The following SGCZ variants were observed in gnomAD, a reference collection of about 807,000 sequenced individuals.
The protein encoded by SGCZ is zeta-sarcoglycan.
SGCZ carries 40 observed loss-of-function variants against 41.3 expected under a neutral mutation model. The observed-to-expected ratio is 0.97, with a 90% confidence interval of 0.75 to 1.26. The LOEUF (loss-of-function observed/expected upper bound fraction) is 1.26, where lower values mean the gene tolerates loss of function less well. Among genes scored for constraint, SGCZ ranks in the 50% most tolerant of loss-of-function variants. The pLI is 0.00. For missense variants in SGCZ, 552 were observed against 369.8 expected (o/e 1.49, Z -4.04); for synonymous variants, 206 against 137.5 (o/e 1.50, Z -3.49).
intron 4 of SGCZ, among the ~76,000 whole-genome samples, chr8:14,231,492 A>G (rs1369165381): frequency 1.3e-5 from 2 of 152,114 alleles, no homozygotes; most frequent in East Asian, 3.9e-4. Flanking sequence ...CACAGGTCCA[A>G]TTATGCATAA....
chr8:14,259,596 G>C (rs1184958553), intron 3 of SGCZ, among the ~76,000 whole-genome samples: 1 of 130,378 alleles, frequency 7.7e-6, no homozygotes, highest in African/African-American at 2.6e-5. Flanking sequence ...GTTTTTGTCA[G>C]GTTTGTCAAA....
intron 1 of SGCZ, among the ~76,000 whole-genome samples, chr8:14,876,629 G>A (rs1804366159): frequency 6.6e-6 from 1 of 152,122 alleles, no homozygotes. Flanking sequence ...TAATATTAGT[G>A]AGGGTCACTT....
At chr8:14,938,112 G>A (rs950362826) in intron 1 of SGCZ, among the ~76,000 whole-genome samples, 2 of 152,024 alleles carry the variant, frequency 1.3e-5, no homozygotes, top group African/African-American at 2.4e-5. Context: ...TTTGTAAAAT[G>A]TTTTTTGGTG....
At chr8:14,139,272 C>G (rs1173824390) in intron 5 of SGCZ, among the ~76,000 whole-genome samples, 5 of 152,038 alleles carry the variant, frequency 3.3e-5, no homozygotes, top group Non-Finnish European at 5.9e-5. Context: ...CCTAACGTCA[C>G]AATTAAAAGA....
chr8:15,179,807 T>A lies in SGCZ; in HGVS notation c.39+57778A>T, dbSNP rs112247672. ...AATAAAAACGGGTTTGGAAGGCACG[T>A]AACCTGATCATTAGCAGAAGTAAAG... On this transcript the variant is annotated intron_variant, in intron 1 of 7. Coordinates refer to ENST00000382080, the MANE Select transcript of SGCZ (RefSeq NM_139167.4). 7.7e-3 allele frequency among the ~76,000 whole-genome samples: 1,173 copies of A among 152,254 alleles called. 13 individuals are homozygous for A. The highest frequency in any genetic ancestry group is 0.025 in the African/African-American group (1,033 of 41,540).
intron 1 of SGCZ, among the ~76,000 whole-genome samples, chr8:14,628,907 G>A (rs1164901104): frequency 6.6e-6 from 1 of 152,062 alleles, no homozygotes; most frequent in African/African-American, 2.4e-5. Flanking sequence ...AAATATAGGT[G>A]GTGAATAAAA....
At chr8:15,173,487 T>G (rs1799909742) in intron 1 of SGCZ, among the ~76,000 whole-genome samples, 1 of 152,196 alleles carries the variant, frequency 6.6e-6, no homozygotes, top group South Asian at 2.1e-4. Context: ...TAGAGAATTA[T>G]TACATGAGTG....
chr8:14,436,349 T>C (rs746298127), intron 2 of SGCZ, among the ~76,000 whole-genome samples: 42 of 152,340 alleles, frequency 2.8e-4, no homozygotes, highest in Non-Finnish European at 3.8e-4. Flanking sequence ...TTAAGGTTTG[T>C]GTTCTTTGTT....
intron 2 of SGCZ, among the ~76,000 whole-genome samples, chr8:14,473,818 G>T (rs943527284): frequency 6.6e-6 from 1 of 151,650 alleles, no homozygotes; most frequent in Admixed American, 6.6e-5. Context: ...GGCACGCGTA[G>T]TCCCAGCTAC....
At chr8:14,767,795 T>A (rs1160717507) in intron 1 of SGCZ, among the ~76,000 whole-genome samples, 1 of 152,232 alleles carries the variant, frequency 6.6e-6, no homozygotes, top group Non-Finnish European at 1.5e-5. Flanking sequence ...TGTAAAGCAC[T>A]GTGAAAACCA....
chr8:15,080,019 G>A (rs1216442316), intron 1 of SGCZ, among the ~76,000 whole-genome samples: 4 of 151,756 alleles, frequency 2.6e-5, no homozygotes, highest in African/African-American at 7.3e-5. Flanking sequence ...TCTCCAGCCG[G>A]TCCTCTATTT....
At chr8:14,991,752 T>A (rs1315462104) in intron 1 of SGCZ, among the ~76,000 whole-genome samples, 2 of 151,772 alleles carry the variant, frequency 1.3e-5, no homozygotes, top group Admixed American at 6.6e-5. Flanking sequence ...TCACCCATCC[T>A]CCTCATCCAA....
At chr8:14,340,414 A>G (rs1015220255) in intron 2 of SGCZ, among the ~76,000 whole-genome samples, 4 of 152,128 alleles carry the variant, frequency 2.6e-5, no homozygotes, top group African/African-American at 9.7e-5. Flanking sequence ...TTGCTTCTAT[A>G]ACAGCCTATT....
intron 1 of SGCZ, among the ~76,000 whole-genome samples, chr8:15,011,202 G>A (rs563816892): frequency 1.3e-5 from 2 of 152,126 alleles, no homozygotes; most frequent in African/African-American, 4.8e-5. Flanking sequence ...AGTTAAAGTA[G>A]GTGAAATTTC....
chr8:14,643,531 T>A (rs1807095404), intron 1 of SGCZ, among the ~76,000 whole-genome samples: 1 of 150,160 alleles, frequency 6.7e-6, no homozygotes, highest in African/African-American at 2.5e-5. Context: ...GGGAGATAAG[T>A]GAATATTTTT....
intron 2 of SGCZ, among the ~76,000 whole-genome samples, chr8:14,426,614 G>T (rs1017742575): frequency 2.0e-4 from 30 of 152,124 alleles, no homozygotes; most frequent in African/African-American, 7.0e-4. Flanking sequence ...GTTTAATTTG[G>T]GAAAACTTCA....
intron 1 of SGCZ, among the ~76,000 whole-genome samples, chr8:15,215,379 A>G (rs1585682037): frequency 6.6e-6 from 1 of 152,354 alleles, no homozygotes; most frequent in East Asian, 1.9e-4. Flanking sequence ...TTATCTGAAT[A>G]TAACATAAAC....
At chr8:15,169,640 C>G (rs1278495807) in intron 1 of SGCZ, among the ~76,000 whole-genome samples, 1 of 152,218 alleles carries the variant, frequency 6.6e-6, no homozygotes, top group African/African-American at 2.4e-5. Context: ...TTCTTAGAAT[C>G]CTGGAGACTT....
At chr8:14,171,360 T>C (rs116174791) in intron 4 of SGCZ, among the ~76,000 whole-genome samples, 3,270 of 152,064 alleles carry the variant, frequency 0.022, 91 homozygotes, top group African/African-American at 0.068. Context: ...AACACAATTA[T>C]GAAGAGTTGG....
Sources: allele counts gnomAD v4.1 joint callset (sites outside exome capture counted in the v4.1 genomes callset), GRCh38; gene constraint gnomAD v4.1.1; transcripts MANE v1.5; gene names NCBI Gene and HGNC (gene_info 2026-07-23, HGNC 2026-07-21).